The following NIPBL variants were observed in gnomAD, a reference collection of about 807,000 sequenced individuals.
NIPBL encodes nipped-B-like protein.
In NIPBL, 19 loss-of-function variants were observed where a neutral mutation model predicts 321.8. That is an observed-to-expected ratio of 0.06 (90% CI 0.04 to 0.09). NIPBL has a LOEUF of 0.09. Among genes scored for constraint, NIPBL ranks in the 10% least tolerant of loss-of-function variants. The pLI is 1.00. For synonymous variants in NIPBL, 1,106 were observed against 1,114.1 expected (o/e 0.99, Z 0.14); for missense variants, 2,210 against 3,327.0 (o/e 0.66, Z 8.26).
At chr5:37,010,462 C>T (rs930065622) in intron 21 of NIPBL, among the ~76,000 whole-genome samples, 8 of 152,016 alleles carry the variant, frequency 5.3e-5, no homozygotes, top group African/African-American at 1.2e-4. Flanking sequence ...ATTACAGGCA[C>T]GCACCACCAC....
At position 37,044,385 on chromosome 5, in the gene NIPBL, A is replaced by G. The variant is rs774190237; in HGVS notation, c.6147A>G (p.Lys2049=). The G allele has an allele frequency of 6.2e-7, 1 of 1,614,010 alleles. No homozygotes were observed. Among genetic ancestry groups the G allele is most frequent in the Non-Finnish European group, 8.5e-7 (1 of 1,179,952 alleles). ...NDFMVICNVA[K]ILELVVPLME... is the part of the protein sequence containing the mutation. ...TCATGGTTATCTGCAATGTTGCAAA[A>G]ATCCTAGAGCTAGTTGTACCACTGA... is the stretch of plus-strand genomic sequence containing the variant. Residue 2049 remains lysine (K), a synonymous_variant, in exon 35 of 47, where the codon AAA becomes AAG. Transcript: ENST00000282516.
intron 6 of NIPBL, among the ~76,000 whole-genome samples, chr5:36,966,183 T>C (rs551548999): frequency 3.5e-4 from 53 of 152,244 alleles, no homozygotes; most frequent in African/African-American, 1.2e-3. Flanking sequence ...TTTCACACAT[T>C]GCATTTGATT....
intron 1 of NIPBL, among the ~76,000 whole-genome samples, chr5:36,921,337 G>C (rs1012357804): frequency 1.3e-5 from 2 of 152,096 alleles, no homozygotes; most frequent in Admixed American, 6.6e-5. Flanking sequence ...ATTAGAACTA[G>C]TATTATACAT....
At chr5:36,987,449 A>G (rs765286189) in intron 10 of NIPBL, among the ~76,000 whole-genome samples, 5 of 152,184 alleles carry the variant, frequency 3.3e-5, no homozygotes, top group African/African-American at 4.8e-5. Context: ...GCATCATCAC[A>G]AAGTTGTATA....
At position 37,045,464 on chromosome 5, in the gene NIPBL, G is replaced by A; in HGVS notation, c.6365G>A (p.Ser2122Asn). ...TTAGGTGCCATTTCAAAATTAAAAA[G>A]TCAACACCAAGAGGACCCAAATAAC... ...RYYGAISKLK[S>N]QHQEDPNNTS... Residue 2122 changes from serine to asparagine, a missense_variant, in exon 37 of 47, where the codon AGT becomes AAT. Coordinates refer to ENST00000282516, the MANE Select transcript of NIPBL (RefSeq NM_133433.4). 6.2e-7 allele frequency: 1 copy of A among 1,612,774 alleles called. No individual in the cohort carries two copies. Among genetic ancestry groups the A allele is most frequent in the African/African-American group, 1.3e-5 (1 of 74,924 alleles).
chr5:37,057,023 C>G (rs529315354), intron 42 of NIPBL, among the ~76,000 whole-genome samples, 163 bp from the exon 43 acceptor site: 13 of 151,910 alleles, frequency 8.6e-5, no homozygotes, highest in African/African-American at 4.8e-5. Context: ...CCTCCTCTCC[C>G]TCTGTCTCTC....
At chr5:37,013,462 C>G (rs1748494209) in intron 21 of NIPBL, among the ~76,000 whole-genome samples, 1 of 151,320 alleles carries the variant, frequency 6.6e-6, no homozygotes, top group Admixed American at 6.6e-5. Context: ...GGGGCGGCTG[C>G]CGGGCGGAGG....
rs1176182863 is a variant in NIPBL at position 37,008,000 on chromosome 5, T to C, written c.4240-8T>C. 6.4e-7 allele frequency: 1 copy of C among 1,564,704 alleles called. No homozygotes were observed. Among genetic ancestry groups the C allele is most frequent in the Admixed American group, 1.7e-5 (1 of 59,860 alleles). The stretch of plus-strand genomic sequence containing the variant: ...GGTGTATACTACTTACTCTTCTTTT[T>C]TAAACAGGTTTCATCTATGGGAATA... On this transcript the variant is annotated splice_polypyrimidine_tract_variant and splice_region_variant and intron_variant, in intron 18 of 46. Coordinates refer to ENST00000282516, the MANE Select transcript of NIPBL (RefSeq NM_133433.4).
At chr5:36,924,455 T>C (rs1440423057) in intron 1 of NIPBL, among the ~76,000 whole-genome samples, 1 of 152,150 alleles carries the variant, frequency 6.6e-6, no homozygotes, top group African/African-American at 2.4e-5. Flanking sequence ...ATTGTGGTCT[T>C]TATTAGCTGT....
rs372080833 is a variant in NIPBL at position 37,007,325 on chromosome 5, G to A, written c.4090G>A (p.Gly1364Ser). ...ATCTTGAATTTGTTTCATTTTAGGA[G>A]GCTTATTAAGTTCAAAAGCAAAACG... ...PVYRLDPHGG[G>S]LLSSKAKRAK... The change falls in exon 18 of 47, where the codon GGC (glycine) becomes AGC (serine). Residue 1364 changes from glycine to serine, a missense_variant and splice_region_variant. This residue lies in a region of NIPBL where 381 missense variants were observed against 642.3 expected (regional missense o/e 0.59). Transcript: ENST00000282516. 5 of 1,610,722 alleles carry A rather than the reference G, an allele frequency of 3.1e-6. No individual in the cohort carries two copies. The South Asian group carries it at 3.3e-5, about 11-fold the overall frequency.
chr5:36,892,040 A>G (rs1276651844), intron 1 of NIPBL, among the ~76,000 whole-genome samples: 1 of 152,144 alleles, frequency 6.6e-6, no homozygotes, highest in Non-Finnish European at 1.5e-5. Flanking sequence ...AACCTGTATC[A>G]CCTTTCACAT....
intron 8 of NIPBL, among the ~76,000 whole-genome samples, chr5:36,972,489 G>T (rs1040243591): frequency 2.4e-4 from 37 of 151,714 alleles, no homozygotes; most frequent in African/African-American, 8.9e-4. Context: ...TCTATTATTA[G>T]ACCTTTTATC....
chr5:36,977,777 T>TCC (rs1429060225), intron 9 of NIPBL, among the ~76,000 whole-genome samples: 1 of 151,712 alleles, frequency 6.6e-6, no homozygotes, highest in Non-Finnish European at 1.5e-5. Flanking sequence ...CCTTTTTGAG[T>TCC]CCCCTGTGTC....
chr5:37,035,201 G>A (rs1311678243), intron 32 of NIPBL, among the ~76,000 whole-genome samples: 3 of 152,208 alleles, frequency 2.0e-5, no homozygotes, highest in African/African-American at 2.4e-5. Context: ...AGCCTGGGAG[G>A]GCAAGGCTGC....
In NIPBL at chr5:37,036,668, G is replaced by C. The variant is rs183502295; in HGVS notation, c.5971+181G>C. On this transcript the variant is annotated intron_variant, in intron 33 of 46. Coordinates refer to ENST00000282516, the MANE Select transcript of NIPBL (RefSeq NM_133433.4). ...GATGTTGCATCCTAGATTATATTAA[G>C]ATTGACTAAGATTATCTAGAGCATT... Among the ~76,000 whole-genome samples the C allele has an allele frequency of 6.0e-4, 89 of 149,508 alleles. No homozygotes were observed. In the East Asian group the frequency reaches 9.2e-3, roughly 15 times the overall value.
chr5:36,975,776 G>A lies in NIPBL; in HGVS notation c.869G>A (p.Gly290Asp), dbSNP rs1359332855. ...TACTTCTATCGAATTATTTTTCTAGGCTCAAGACCACCTTTAATCCTACAA... is the reference window on the plus strand; with the variant it reads ...TACTTCTATCGAATTATTTTTCTAGACTCAAGACCACCTTTAATCCTACAA... ...SPAGSEGTPK[G>D]SRPPLILQSQ... The change falls in exon 9 of 47, where the codon GGC becomes GAC. Residue 290 changes from glycine to aspartate, a missense_variant and splice_region_variant. By Grantham distance (94) the Gly-to-Asp change is moderately conservative. Transcript: ENST00000282516. 4 of 1,613,080 alleles carry A rather than the reference G, an allele frequency of 2.5e-6. No homozygotes were observed. The African/African-American group carries it at 5.3e-5, about 22-fold the overall frequency.
Position 37,051,544 on chromosome 5 carries a change from TGAAATTGTTTA to T in NIPBL, c.6955-234_6955-224del, listed in dbSNP as rs770465440. On this transcript the variant is annotated intron_variant, in intron 40 of 46. Coordinates refer to ENST00000282516, the MANE Select transcript of NIPBL (RefSeq NM_133433.4). ...TGTTTAAAGAACCTAAAATTTACAA[TGAAATTGTTTA>T]AATTTTATCACGTCAGTATTTTTGC... The T allele has an allele frequency of 1.1e-3, 598 of 552,316 alleles. 12 individuals are homozygous for T. The Admixed American group carries it at 0.012, about 11-fold the overall frequency. 34.2% of individuals were successfully genotyped at this position (552,316 alleles called of 1,614,324 possible).
chr5:36,898,661 G>A (rs1214820585), intron 1 of NIPBL, among the ~76,000 whole-genome samples: 2 of 151,910 alleles, frequency 1.3e-5, no homozygotes, highest in African/African-American at 2.4e-5. Flanking sequence ...ACAGGCATGC[G>A]CCATCACGCC....
intron 1 of NIPBL, among the ~76,000 whole-genome samples, chr5:36,914,243 GT>G (rs1417216709): frequency 6.6e-6 from 1 of 152,218 alleles, no homozygotes; most frequent in Admixed American, 6.5e-5. Flanking sequence ...GGAAGCACAG[GT>G]TGTTTGGTGA....
Sources: allele counts gnomAD v4.1 joint callset (sites outside exome capture counted in the v4.1 genomes callset), GRCh38; gene constraint gnomAD v4.1.1; regional missense constraint gnomAD v4.1.1; transcripts MANE v1.5; gene names NCBI Gene and HGNC (gene_info 2026-07-23, HGNC 2026-07-21).